Variants in RNF6 observed in about 807,000 individuals in gnomAD.
RNF6 encodes the protein E3 ubiquitin-protein ligase RNF6.
RNF6 carries 21 observed loss-of-function variants against 50.1 expected under a neutral mutation model. The observed-to-expected ratio is 0.42, with a 90% CI of 0.30 to 0.60. The LOEUF is 0.60. RNF6 is among the 20% of genes least tolerant of loss of function. The pLI is 0.20. For missense variants in RNF6, 698 were observed against 838.2 expected (o/e 0.83, Z 2.07); for synonymous variants, 255 against 291.8 (o/e 0.87, Z 1.29).
At chr13:26,133,504 C>T (rs1414032678) in intron 5 of RNF6, among the ~76,000 whole-genome samples, 2 of 152,184 alleles carry the variant, frequency 1.3e-5, no homozygotes, top group African/African-American at 2.4e-5. Context: ...AACCTGATCA[C>T]GTTTGTCAGT....
chr13:26,194,463 T>C (rs1868580923), intron 5 of RNF6, among the ~76,000 whole-genome samples: 1 of 152,138 alleles, frequency 6.6e-6, no homozygotes, highest in African/African-American at 2.4e-5. Flanking sequence ...TAGGACAATG[T>C]AATGCTTCAC....
intron 5 of RNF6, among the ~76,000 whole-genome samples, chr13:26,188,623 C>CTT (rs1163881143): frequency 0.015 from 668 of 43,264 alleles, 159 homozygotes; most frequent in Middle Eastern, 0.067. Flanking sequence ...GTCAAAAGAG[C>CTT]TTTTTTTTTT....
At chr13:26,168,619 A>G (rs1334072011) in intron 5 of RNF6, among the ~76,000 whole-genome samples, 2 of 152,240 alleles carry the variant, frequency 1.3e-5, no homozygotes, top group Non-Finnish European at 2.9e-5. Context: ...TGCATAGTTC[A>G]TAGCCAGCTC....
chr13:26,173,820 G>A (rs147413324), intron 5 of RNF6, among the ~76,000 whole-genome samples: 1,750 of 152,022 alleles, frequency 0.012, 31 homozygotes, highest in African/African-American at 0.04. Context: ...ATGTGGTGGT[G>A]TATGCCTGTA....
chr13:26,215,156 T>C lies in RNF6; in HGVS notation c.726A>G (p.Ala242=). 6.2e-7 allele frequency: 1 copy of C among 1,614,246 alleles called. No individual in the cohort carries two copies. The highest frequency in any genetic ancestry group is 8.5e-7 in the Non-Finnish European group (1 of 1,180,042). The change falls in exon 5 of 5, where the codon GCA becomes GCG. Residue 242 remains alanine (A), a synonymous_variant. Transcript: ENST00000381588. ...LGRLRNGIGG[A]AGIPRANASR... Reference sequence around the variant, plus strand: ...AAGCGTTAGCTCGAGGAATGCCAGCTGCTCCCCCAATTCCATTTCTTAACC... The same window carrying C: ...AAGCGTTAGCTCGAGGAATGCCAGCCGCTCCCCCAATTCCATTTCTTAACC...
At chr13:26,155,667 C>T (rs541187763) in intron 5 of RNF6, among the ~76,000 whole-genome samples, 1 of 152,322 alleles carries the variant, frequency 6.6e-6, no homozygotes, top group South Asian at 2.1e-4. Context: ...TGAAGGGATG[C>T]CATCCAACTG....
At chr13:26,147,328 G>A (rs1224469259) in intron 5 of RNF6, among the ~76,000 whole-genome samples, 1 of 152,226 alleles carries the variant, frequency 6.6e-6, no homozygotes, top group Non-Finnish European at 1.5e-5. Flanking sequence ...TGATGGGGAA[G>A]ATTCATGAGG....
intron 5 of RNF6, among the ~76,000 whole-genome samples, chr13:26,187,034 C>T (rs914960532): frequency 6.6e-6 from 1 of 152,144 alleles, no homozygotes; most frequent in Non-Finnish European, 1.5e-5. Flanking sequence ...ACCTCGGCCT[C>T]CCAAAGTGCT....
chr13:26,195,857 C>T (rs1868639616), intron 5 of RNF6, among the ~76,000 whole-genome samples: 1 of 152,096 alleles, frequency 6.6e-6, no homozygotes, highest in Non-Finnish European at 1.5e-5. Context: ...TAACTTCTCT[C>T]AAGATGACCT....
chr13:26,178,436 C>T (rs1873067863), intron 5 of RNF6, among the ~76,000 whole-genome samples: 1 of 150,890 alleles, frequency 6.6e-6, no homozygotes, highest in Admixed American at 6.6e-5. Flanking sequence ...ATCCCCATGA[C>T]CTAAACACCT....
At chr13:26,159,684 A>T (rs372099554) in intron 5 of RNF6, among the ~76,000 whole-genome samples, 1 of 152,178 alleles carries the variant, frequency 6.6e-6, no homozygotes, top group African/African-American at 2.4e-5. Flanking sequence ...AATTCCATTT[A>T]GGCTAAGTAT....
chr13:26,165,604 A>C (rs1872414737), intron 5 of RNF6, among the ~76,000 whole-genome samples: 1 of 152,250 alleles, frequency 6.6e-6, no homozygotes, highest in African/African-American at 2.4e-5. Context: ...AGAGCTGCCC[A>C]AGACCATGGG....
intron 5 of RNF6, among the ~76,000 whole-genome samples, chr13:26,180,867 G>A (rs539556959): frequency 3.9e-5 from 6 of 152,352 alleles, no homozygotes; most frequent in Admixed American, 3.9e-4. Flanking sequence ...TGTCAGTCCA[G>A]GGCCCACTGG....
At position 26,148,632 on chromosome 13, in the gene RNF6, TTATATATATATATATATATATA is replaced by T. The variant is rs57373126; in HGVS notation, n.769-16203_769-16182del. Among the ~76,000 whole-genome samples the T allele has an allele frequency of 2.5e-4, 12 of 47,068 alleles. 1 individual carries two copies. The East Asian group carries it at 2.7e-3, about 11-fold the overall frequency. 30.9% of individuals were successfully genotyped at this position (47,068 alleles called of 152,430 possible). On this transcript the variant is annotated intron_variant and non_coding_transcript_variant, in intron 5 of 5. Coordinates refer to the RNF6 transcript ENST00000468480. The stretch of plus-strand genomic sequence containing the variant: ...AATAGAAACAATAGTATAAATCTCT[TTATATATATATATATATATATA>T]TATATATATATATATATGAGGGAGA...
Position 26,215,599 on chromosome 13 carries a change from A to G in RNF6, c.290-7T>C. The G allele has an allele frequency of 6.3e-7, 1 of 1,585,678 alleles. No individual in the cohort carries two copies. The stretch of plus-strand genomic sequence containing the variant: ...TCTCTAGGGACTTCTGAGTCTAGAA[A>G]GCAAAGCAAATCAACTTAAGATCAA... On this transcript the variant is annotated splice_region_variant and splice_polypyrimidine_tract_variant and intron_variant, in intron 4 of 4. Coordinates refer to ENST00000381588, the MANE Select transcript of RNF6 (RefSeq NM_005977.4).
intron 5 of RNF6, among the ~76,000 whole-genome samples, chr13:26,169,459 C>G (rs1426891240): frequency 6.6e-6 from 1 of 152,176 alleles, no homozygotes; most frequent in Non-Finnish European, 1.5e-5. Flanking sequence ...CTCAGCTTGG[C>G]TTAACTGTAC....
intron 5 of RNF6, among the ~76,000 whole-genome samples, chr13:26,142,729 G>T (rs1457517607): frequency 6.6e-6 from 1 of 152,150 alleles, no homozygotes; most frequent in Non-Finnish European, 1.5e-5. Flanking sequence ...AGAGGAGGGA[G>T]GGATGGATGG....
chr13:26,171,111 T>C (rs1872678319), intron 5 of RNF6, among the ~76,000 whole-genome samples: 1 of 151,972 alleles, frequency 6.6e-6, no homozygotes, highest in South Asian at 2.1e-4. Flanking sequence ...ATCAAGAAAA[T>C]GGAAAGACAA....
intron 5 of RNF6, among the ~76,000 whole-genome samples, chr13:26,170,633 T>A (rs767831): frequency 0.032 from 4,913 of 152,284 alleles, 248 homozygotes; most frequent in African/African-American, 0.11. Context: ...GAGGGAAAGT[T>A]GCTGGTAACC....
Sources: gnomAD v4.1 joint callset for allele counts (sites outside exome capture counted in the v4.1 genomes callset) on GRCh38, gnomAD v4.1.1 for gene constraint, MANE v1.5 for transcripts, NCBI Gene and HGNC (gene_info 2026-07-23, HGNC 2026-07-21) for gene names.